The following DLGAP1 variants were observed in gnomAD, a reference collection of about 807,000 sequenced individuals.
DLGAP1 encodes the protein DLG associated protein 1.
Under a neutral mutation model 90.8 loss-of-function variants are expected in DLGAP1, and 11 were observed. The ratio of observed to expected loss-of-function variants is 0.12; its 90% CI spans 0.08 to 0.20. The LOEUF is 0.20. Ranked by LOEUF, DLGAP1 falls within the 10% of genes least tolerant of loss-of-function variation. The probability of loss-of-function intolerance (pLI) is 1.00; values close to 1 mark genes in which losing one functional copy is unlikely to be tolerated. For missense variants in DLGAP1, 1,050 were observed against 1,333.8 expected, an observed-to-expected ratio of 0.79 and a Z score of 3.31; for synonymous variants, 558 against 540.7, an observed-to-expected ratio of 1.03 and a Z score of -0.44.
At chr18:3,880,515 T>A (rs895878306) in intron 3 of DLGAP1, among the ~76,000 whole-genome samples, 3 of 152,148 alleles carry the variant, frequency 2.0e-5, no homozygotes, top group Non-Finnish European at 4.4e-5. Context: ...GCGACCGTGT[T>A]TTTTTGGCAG....
At chr18:4,436,120 C>T (rs12457779) in intron 1 of DLGAP1, among the ~76,000 whole-genome samples, 2 of 152,064 alleles carry the variant, frequency 1.3e-5, no homozygotes, top group Non-Finnish European at 1.5e-5. Context: ...TCCAGGGAAG[C>T]GATCTGGAAA....
intron 4 of DLGAP1, among the ~76,000 whole-genome samples, chr18:3,825,717 C>T (rs1441171901): frequency 6.6e-6 from 1 of 152,120 alleles, no homozygotes; most frequent in Non-Finnish European, 1.5e-5. Context: ...AGAAAAAAAT[C>T]TCCGTTCCTC....
intron 2 of DLGAP1, among the ~76,000 whole-genome samples, chr18:4,149,755 G>T (rs1029593930): frequency 6.6e-6 from 1 of 152,198 alleles, no homozygotes; most frequent in Non-Finnish European, 1.5e-5. Flanking sequence ...CATTCCTGAT[G>T]ATTTGAGGTG....
At chr18:3,626,428 T>A (rs1298872074) in intron 7 of DLGAP1, among the ~76,000 whole-genome samples, 3 of 151,092 alleles carry the variant, frequency 2.0e-5, no homozygotes, top group Non-Finnish European at 4.4e-5. Context: ...ACTCAGTCTC[T>A]ACAAAAAATA....
intron 3 of DLGAP1, among the ~76,000 whole-genome samples, chr18:3,928,945 C>T (rs985423913): frequency 6.6e-6 from 1 of 152,106 alleles, no homozygotes; most frequent in African/African-American, 2.4e-5. Context: ...CCATCCCCAC[C>T]AGTGCTGTCT....
intron 7 of DLGAP1, among the ~76,000 whole-genome samples, chr18:3,593,443 G>T (rs1434284227): frequency 1.3e-5 from 2 of 152,176 alleles, no homozygotes; most frequent in Non-Finnish European, 2.9e-5. Context: ...CTGTTGGGGT[G>T]GGTCATACAC....
At chr18:4,066,453 T>A (rs1175753444) in intron 2 of DLGAP1, among the ~76,000 whole-genome samples, 1 of 152,068 alleles carries the variant, frequency 6.6e-6, no homozygotes, top group Admixed American at 6.6e-5. Flanking sequence ...ATATCCAGCA[T>A]CTACAAAGAA....
chr18:4,054,259 G>A (rs2075179969), intron 2 of DLGAP1, among the ~76,000 whole-genome samples: 1 of 152,180 alleles, frequency 6.6e-6, no homozygotes, highest in African/African-American at 2.4e-5. Flanking sequence ...TAGTATATCG[G>A]CAGGGAGGAA....
intron 1 of DLGAP1, among the ~76,000 whole-genome samples, chr18:4,227,026 T>C (rs1441482031): frequency 6.6e-6 from 1 of 151,778 alleles, no homozygotes; most frequent in African/African-American, 2.4e-5. Flanking sequence ...AGATAATCCA[T>C]GCAAATGGAA....
At chr18:4,278,124 T>C (rs781549325) in intron 1 of DLGAP1, among the ~76,000 whole-genome samples, 1 of 152,190 alleles carries the variant, frequency 6.6e-6, no homozygotes, top group Non-Finnish European at 1.5e-5. Context: ...TACAAATCTA[T>C]AGTTTTTTAA....
intron 7 of DLGAP1, among the ~76,000 whole-genome samples, chr18:3,583,172 A>ACCTTCCTTCCTTCCTT (rs1392523480): frequency 6.4e-5 from 8 of 124,734 alleles, no homozygotes; most frequent in African/African-American, 2.6e-4. Context: ...CTACCTACCT[A>ACCTTCCTTCCTTCCTT]CCTACCTACC....
chr18:3,706,058 C>T (rs566499464), intron 7 of DLGAP1, among the ~76,000 whole-genome samples: 5 of 150,114 alleles, frequency 3.3e-5, no homozygotes, highest in African/African-American at 4.9e-5. Flanking sequence ...ATTGCCCAGG[C>T]GCAATCTCTG....
chr18:4,413,928 TAAC>T (rs962025091), intron 1 of DLGAP1, among the ~76,000 whole-genome samples: 1 of 152,188 alleles, frequency 6.6e-6, no homozygotes, highest in African/African-American at 2.4e-5. Context: ...CAGTCCTTCT[TAAC>T]AATTCAGAAA....
At chr18:3,777,708 T>C (rs774833936) in intron 5 of DLGAP1, among the ~76,000 whole-genome samples, 2 of 152,166 alleles carry the variant, frequency 1.3e-5, no homozygotes, top group Non-Finnish European at 2.9e-5. Context: ...CTGAAAGGGG[T>C]TCCAAATCAG....
At chr18:3,805,945 T>G (rs529298451) in intron 5 of DLGAP1, among the ~76,000 whole-genome samples, 1 of 152,260 alleles carries the variant, frequency 6.6e-6, no homozygotes, top group Non-Finnish European at 1.5e-5. Context: ...CATTTCCTCC[T>G]GGTTTATAGA....
chr18:3,757,884 G>A (rs2063781171), intron 5 of DLGAP1, among the ~76,000 whole-genome samples: 2 of 152,146 alleles, frequency 1.3e-5, no homozygotes, highest in African/African-American at 2.4e-5. Flanking sequence ...GGGAGGCCAA[G>A]GCGGGTGGAT....
intron 9 of DLGAP1, among the ~76,000 whole-genome samples, chr18:3,551,178 C>CAT (rs1252310481): frequency 2.6e-4 from 2 of 7,794 alleles, no homozygotes; most frequent in African/African-American, 3.1e-4. Context: ...TATATATATA[C>CAT]ACATACATAT....
At chr18:3,696,541 T>C (rs342492) in intron 7 of DLGAP1, among the ~76,000 whole-genome samples, 48,523 of 152,078 alleles carry the variant, frequency 0.32, 7,950 homozygotes, top group African/African-American at 0.37. Flanking sequence ...ATCCCAGGGA[T>C]GAAGCCTACT....
At chr18:4,158,817 T>C (rs2076798992) in intron 1 of DLGAP1, among the ~76,000 whole-genome samples, 1 of 152,156 alleles carries the variant, frequency 6.6e-6, no homozygotes, top group Non-Finnish European at 1.5e-5. Flanking sequence ...AAAAGAAATT[T>C]AGTCTAAGGT....
Sources: allele counts gnomAD v4.1 joint callset (sites outside exome capture counted in the v4.1 genomes callset), GRCh38; gene constraint gnomAD v4.1.1; transcripts MANE v1.5; gene names NCBI Gene and HGNC (gene_info 2026-07-23, HGNC 2026-07-21).